Variants in ZMYM2 observed in about 807,000 individuals in gnomAD.
ZMYM2 encodes the protein zinc finger MYM-type protein 2.
A neutral mutation model predicts 162.8 loss-of-function variants in ZMYM2; 56 were observed. The ratio of observed to expected loss-of-function variants is 0.34; its 90% confidence interval spans 0.28 to 0.43. ZMYM2 has a LOEUF of 0.43. Among genes scored for constraint, ZMYM2 ranks in the 20% least tolerant of loss-of-function variants. The probability of loss-of-function intolerance (pLI) is 1.00; values close to 1 mark genes in which losing one functional copy is unlikely to be tolerated. For missense variants in ZMYM2, 1,275 were observed against 1,621.8 expected (o/e 0.79, Z 3.67); for synonymous variants, 510 against 541.6 (o/e 0.94, Z 0.81).
At chr13:19,905,098 G>A in the ZMYM2 span, among the ~76,000 whole-genome samples, 2 of 145,266 alleles carry the variant, frequency 1.4e-5, no homozygotes, top group African/African-American at 2.6e-5. Flanking sequence ...TGCAACCTTC[G>A]CCTCCCAGGT....
At chr13:20,024,908 G>GTC (rs1267749019) in intron 7 of ZMYM2, 7 of 215,918 alleles carry the variant, frequency 3.2e-5, no homozygotes, top group Admixed American at 1.2e-4. Context: ...TTCAGTAAAT[G>GTC]AGGAAGTAGG....
At chr13:20,047,092 A>G (rs956467801) in intron 12 of ZMYM2, among the ~76,000 whole-genome samples, 9 of 152,242 alleles carry the variant, frequency 5.9e-5, no homozygotes, top group African/African-American at 2.2e-4. Flanking sequence ...TAGATGGTAG[A>G]AATTTATAAA....
the ZMYM2 span, among the ~76,000 whole-genome samples, chr13:19,933,202 T>C: frequency 1.3e-5 from 2 of 152,166 alleles, no homozygotes; most frequent in African/African-American, 2.4e-5. Flanking sequence ...TCCTCCCACA[T>C]TGGCCTCCAA....
At chr13:19,965,231 T>C (rs918417445) in intron 2 of ZMYM2, 1 of 1,297,732 alleles carries the variant, frequency 7.7e-7, no homozygotes, top group Non-Finnish European at 1.0e-6. Flanking sequence ...CATACATGTG[T>C]ATATTACTCT....
intron 6 of ZMYM2, among the ~76,000 whole-genome samples, chr13:20,016,355 T>C (rs1951628105): frequency 6.6e-6 from 1 of 152,182 alleles, no homozygotes; most frequent in Admixed American, 6.5e-5. Flanking sequence ...ATTTACAATT[T>C]TGTGTGCATA....
At chr13:20,046,564 A>AAATATATAT (rs766574183) in intron 12 of ZMYM2, among the ~76,000 whole-genome samples, 17 of 103,864 alleles carry the variant, frequency 1.6e-4, no homozygotes, top group African/African-American at 5.6e-4. Flanking sequence ...TAAAAAAAAA[A>AAATATATAT]ATATATATAT....
chr13:19,900,134 C>T, the ZMYM2 span, among the ~76,000 whole-genome samples: 9 of 152,008 alleles, frequency 5.9e-5, no homozygotes. Context: ...AACCCCATCT[C>T]TACTAAAAAT....
chr13:19,904,511 T>C, the ZMYM2 span, among the ~76,000 whole-genome samples: 2 of 152,104 alleles, frequency 1.3e-5, no homozygotes, highest in African/African-American at 2.4e-5. Context: ...TGAGCTGAGA[T>C]GGCGCCATTG....
In ZMYM2 at chr13:20,069,437, C is replaced by G. The variant is rs546970356; in HGVS notation, c.3453+2047C>G. ...CTTTAGGGTTTTTTTTTTGGTAGCT[C>G]CCTGTTACCAAGTTGAGGAACTTTT... On this transcript the variant is annotated intron_variant, in intron 21 of 24. Transcript: ENST00000610343. Among the ~76,000 whole-genome samples, 258 of 68,000 alleles carry G rather than the reference C, an allele frequency of 3.8e-3. 1 individual carries two copies. The highest frequency in any genetic ancestry group is 6.8e-3 in the Middle Eastern group (1 of 146). 44.6% of individuals were successfully genotyped at this position (68,000 alleles called of 152,430 possible).
chr13:19,967,880 T>C (rs1955945190), intron 2 of ZMYM2, among the ~76,000 whole-genome samples: 1 of 152,202 alleles, frequency 6.6e-6, no homozygotes, highest in African/African-American at 2.4e-5. Flanking sequence ...ATGGTAAACT[T>C]AGTGTGTGCT....
At position 20,003,146 on chromosome 13, in the gene ZMYM2, C is replaced by T; in HGVS notation, c.1133+11C>T. On this transcript the variant is annotated intron_variant, in intron 4 of 24. Transcript: ENST00000610343. ...TGTTATGTGTAAAAAGTAAGGTTTA[C>T]CTTTCAACATAATTACATATAGTTG... 6.2e-7 allele frequency: 1 copy of T among 1,607,416 alleles called. No individual in the cohort carries two copies. The highest frequency in any genetic ancestry group is 8.5e-7 in the Non-Finnish European group (1 of 1,176,380).
chr13:19,908,373 G>A, the ZMYM2 span, among the ~76,000 whole-genome samples: 5 of 150,890 alleles, frequency 3.3e-5, no homozygotes, highest in Non-Finnish European at 7.4e-5. Flanking sequence ...GGAGGCTGAA[G>A]CATTAGGAAC....
At chr13:19,949,379 A>G in the ZMYM2 span, among the ~76,000 whole-genome samples, 1 of 152,178 alleles carries the variant, frequency 6.6e-6, no homozygotes, top group African/African-American at 2.4e-5. Context: ...ACGCCACTGC[A>G]CTTCAGCTTG....
chr13:19,944,934 G>A, the ZMYM2 span, among the ~76,000 whole-genome samples: 2 of 152,054 alleles, frequency 1.3e-5, no homozygotes, highest in African/African-American at 4.8e-5. Context: ...GCCTCCCAAA[G>A]TGCTGGGATT....
chr13:20,043,855 G>C (rs945625974), intron 12 of ZMYM2, among the ~76,000 whole-genome samples: 3 of 152,088 alleles, frequency 2.0e-5, no homozygotes, highest in African/African-American at 7.2e-5. Flanking sequence ...CTGCAGTGTG[G>C]GGAGGGAATG....
chr13:20,013,619 T>A (rs1594358367), intron 6 of ZMYM2, among the ~76,000 whole-genome samples: 1 of 152,208 alleles, frequency 6.6e-6, no homozygotes, highest in African/African-American at 2.4e-5. Context: ...TTACTTTTTT[T>A]ATTCAGTTTT....
the ZMYM2 span, among the ~76,000 whole-genome samples, chr13:19,936,915 T>C: frequency 1.3e-5 from 2 of 152,074 alleles, no homozygotes; most frequent in Non-Finnish European, 2.9e-5. Flanking sequence ...GGATTTTAGT[T>C]TTCACACTAT....
At chr13:19,929,363 C>G in the ZMYM2 span, among the ~76,000 whole-genome samples, 1 of 152,044 alleles carries the variant, frequency 6.6e-6, no homozygotes. Flanking sequence ...CTCAGCCTCC[C>G]GAGTAGCTGG....
the ZMYM2 span, among the ~76,000 whole-genome samples, chr13:19,882,372 T>C: frequency 6.6e-6 from 1 of 152,180 alleles, no homozygotes; most frequent in Non-Finnish European, 1.5e-5. Flanking sequence ...AGGACTTGAA[T>C]AGACATGTCT....
Sources: gnomAD v4.1 joint callset for allele counts (sites outside exome capture counted in the v4.1 genomes callset) on GRCh38, gnomAD v4.1.1 for gene constraint, MANE v1.5 for transcripts, NCBI Gene and HGNC (gene_info 2026-07-23, HGNC 2026-07-21) for gene names.